The following TMEM178B variants were observed in gnomAD, a reference collection of about 807,000 sequenced individuals.
TMEM178B encodes transmembrane protein 178B.
TMEM178B carries 5 observed loss-of-function variants against 31.0 expected under a neutral mutation model. That is an observed-to-expected ratio of 0.16 (90% CI 0.08 to 0.34). The LOEUF is 0.34. Ranked by LOEUF, TMEM178B falls within the 10% of genes least tolerant of loss-of-function variation. The pLI is 1.00. For missense variants in TMEM178B, 275 were observed against 400.3 expected (o/e 0.69, Z 2.67); for synonymous variants, 164 against 164.0 (o/e 1.00, Z 0.00).
At chr7:141,240,637 C>T (rs115466815) in intron 2 of TMEM178B, among the ~76,000 whole-genome samples, 4,080 of 152,204 alleles carry the variant, frequency 0.027, 122 homozygotes, top group African/African-American at 0.079. Context: ...ATTTTAATAC[C>T]GAAGAGAACA....
intron 2 of TMEM178B, among the ~76,000 whole-genome samples, chr7:141,315,126 T>A (rs984811103): frequency 6.6e-6 from 1 of 152,188 alleles, no homozygotes; most frequent in Non-Finnish European, 1.5e-5. Flanking sequence ...TTAATGTCCC[T>A]CCAATCTGTT....
chr7:141,210,519 G>A (rs1050359620), intron 1 of TMEM178B, among the ~76,000 whole-genome samples: 3 of 152,286 alleles, frequency 2.0e-5, no homozygotes, highest in African/African-American at 7.2e-5. Context: ...CCTACTTAAT[G>A]TGGCTGTAGA....
At chr7:141,379,200 C>G (rs1233771457) in intron 2 of TMEM178B, among the ~76,000 whole-genome samples, 1 of 151,886 alleles carries the variant, frequency 6.6e-6, no homozygotes, top group Admixed American at 6.6e-5. Flanking sequence ...GGCACAATGG[C>G]TCATGCCTGT....
At chr7:141,158,366 G>C (rs2129181291) in intron 1 of TMEM178B, among the ~76,000 whole-genome samples, 1 of 152,296 alleles carries the variant, frequency 6.6e-6, no homozygotes, top group South Asian at 2.1e-4. Context: ...AAAATGCTGG[G>C]ATTACAGGCA....
At chr7:141,252,380 C>T (rs1202551742) in intron 2 of TMEM178B, among the ~76,000 whole-genome samples, 1 of 152,198 alleles carries the variant, frequency 6.6e-6, no homozygotes, top group Non-Finnish European at 1.5e-5. Context: ...GATGGTTCAT[C>T]TTCCAATTGT....
intron 2 of TMEM178B, among the ~76,000 whole-genome samples, chr7:141,241,317 C>A (rs1182891824): frequency 6.6e-6 from 1 of 151,936 alleles, no homozygotes; most frequent in Admixed American, 6.6e-5. Flanking sequence ...TCTGGCCTGG[C>A]GCGGTGGCTC....
chr7:141,251,953 A>AT (rs1199406207), intron 2 of TMEM178B, among the ~76,000 whole-genome samples: 2 of 151,952 alleles, frequency 1.3e-5, no homozygotes, highest in African/African-American at 4.8e-5. Flanking sequence ...TTATCATTTA[A>AT]TTTTTTTCCT....
At chr7:141,183,698 T>C (rs910968055) in intron 1 of TMEM178B, among the ~76,000 whole-genome samples, 1 of 152,214 alleles carries the variant, frequency 6.6e-6, no homozygotes, top group African/African-American at 2.4e-5. Context: ...TGCATTTTCT[T>C]ACTTTTCTCA....
rs548171108 is a variant in TMEM178B at position 141,422,989 on chromosome 7, C to CTAT, written c.497-14616_497-14614dup. ...AACCGCATGTGTAACTTAAAATGTT[C>CTAT]TATTAGCCACCTTACAGACACAAAA... On this transcript the variant is annotated intron_variant, in intron 2 of 3. Transcript: ENST00000565468. This position sits in a 1 kb window ranked among gnomAD's most constrained non-coding sequence, Gnocchi z 4.2. Among the ~76,000 whole-genome samples, 1,161 of 152,276 alleles carry CTAT rather than the reference C, an allele frequency of 7.6e-3. 6 individuals are homozygous for CTAT. Among genetic ancestry groups the CTAT allele is most frequent in the Non-Finnish European group, 0.013 (851 of 68,010 alleles).
At chr7:141,414,728 A>G (rs1801066498) in intron 2 of TMEM178B, 1 of 152,348 alleles carries the variant, frequency 6.6e-6, no homozygotes, top group Admixed American at 6.5e-5. Context: ...CATACCCACA[A>G]ATACACTAAG....
intron 1 of TMEM178B, among the ~76,000 whole-genome samples, chr7:141,198,887 G>A (rs1203175192): frequency 2.6e-5 from 4 of 152,292 alleles, no homozygotes; most frequent in East Asian, 1.9e-4. Flanking sequence ...GTGGCAGCTC[G>A]CGGCTCTGAA....
chr7:141,233,076 G>A (rs1425114656), intron 2 of TMEM178B, among the ~76,000 whole-genome samples: 2 of 152,210 alleles, frequency 1.3e-5, no homozygotes, highest in Non-Finnish European at 2.9e-5. Context: ...GGAGAAGTGT[G>A]TTAGTTCTGC....
intron 3 of TMEM178B, among the ~76,000 whole-genome samples, chr7:141,445,432 A>G (rs563050392): frequency 6.6e-6 from 1 of 152,370 alleles, no homozygotes; most frequent in South Asian, 2.1e-4. Context: ...TTTCCCCACC[A>G]GCCTTTCCCC....
chr7:141,133,004 A>G (rs1467777688), intron 1 of TMEM178B, among the ~76,000 whole-genome samples: 1 of 151,860 alleles, frequency 6.6e-6, no homozygotes, highest in African/African-American at 2.4e-5. Context: ...AATCATACAG[A>G]CCCTACACTA....
chr7:141,119,032 G>A (rs1795368093), intron 1 of TMEM178B, among the ~76,000 whole-genome samples: 1 of 152,148 alleles, frequency 6.6e-6, no homozygotes, highest in South Asian at 2.1e-4. Flanking sequence ...ATTAGTTTGA[G>A]TTCTCCCAGA....
chr7:141,495,499 G>C, the TMEM178B span, among the ~76,000 whole-genome samples: 2 of 152,200 alleles, frequency 1.3e-5, no homozygotes, highest in Non-Finnish European at 1.5e-5. Context: ...CCATTAGTGG[G>C]TGGTAAATTG....
intron 2 of TMEM178B, among the ~76,000 whole-genome samples, chr7:141,294,155 C>T (rs550242019): frequency 6.6e-6 from 1 of 152,176 alleles, no homozygotes; most frequent in South Asian, 2.1e-4. Flanking sequence ...CTTGCTCACT[C>T]CCAAAGTGCT....
At chr7:141,276,498 G>T (rs779968999) in intron 2 of TMEM178B, among the ~76,000 whole-genome samples, 1 of 152,244 alleles carries the variant, frequency 6.6e-6, no homozygotes, top group Admixed American at 6.5e-5. Flanking sequence ...CATGGTGGCA[G>T]CAAGGAGAAG....
intron 2 of TMEM178B, among the ~76,000 whole-genome samples, chr7:141,408,403 GA>G (rs1800923797): frequency 6.6e-6 from 1 of 152,176 alleles, no homozygotes; most frequent in Admixed American, 6.5e-5. Flanking sequence ...GAGAGTTTGT[GA>G]AAAAAGAGAT....
Sources: allele counts gnomAD v4.1 joint callset (sites outside exome capture counted in the v4.1 genomes callset), GRCh38; gene constraint gnomAD v4.1.1; non-coding constraint Gnocchi (gnomAD v3.1); transcripts MANE v1.5; gene names NCBI Gene and HGNC (gene_info 2026-07-23, HGNC 2026-07-21).